ATAT1: variants seen among roughly 807,000 people sequenced by gnomAD.
The protein encoded by ATAT1 is alpha-tubulin N-acetyltransferase 1.
A neutral mutation model predicts 57.2 loss-of-function variants in ATAT1; 42 were observed. The observed-to-expected ratio is 0.73, with a 90% CI of 0.57 to 0.95. The LOEUF (loss-of-function observed/expected upper bound fraction) is 0.95. Among genes scored for constraint, ATAT1 ranks in the 40% least tolerant of loss-of-function variants. The probability of loss-of-function intolerance (pLI) is 0.00; values close to 1 mark genes in which losing one functional copy is unlikely to be tolerated. For synonymous variants in ATAT1, 168 were observed against 187.1 expected (o/e 0.90, Z 0.83); for missense variants, 454 against 523.7 (o/e 0.87, Z 1.30).
rs1761833896 is a variant in ATAT1 at position 30,627,121 on chromosome 6, C to T, written c.-83C>T. 2 of 1,591,814 alleles carry T rather than the reference C, an allele frequency of 1.3e-6. No individual in the cohort carries two copies. Among genetic ancestry groups the T allele is most frequent in the Non-Finnish European group, 1.7e-6 (2 of 1,168,546 alleles). On this transcript the variant is annotated 5_prime_UTR_variant, in exon 1 of 13. Transcript: ENST00000330083. ...ATGTCCAGGCCTGCCTTTTTGGTGA[C>T]CTCTGACCCTGGGCCTAGTGGGATT...
In ATAT1 at chr6:30,628,080, T is replaced by C; in HGVS notation, c.334T>C (p.Phe112Leu). The C allele has an allele frequency of 6.2e-7, 1 of 1,613,092 alleles. No homozygotes were observed. Among genetic ancestry groups the C allele is most frequent in the Non-Finnish European group, 8.5e-7 (1 of 1,180,030 alleles). Residue 112 changes from phenylalanine (F) to leucine (L), a missense_variant, in exon 5 of 13, where the codon TTT becomes CTT. By Grantham distance (22) the Phe-to-Leu change is conservative (BLOSUM62 0). Around this residue, in one of 3 missense-constraint regions of ATAT1, gnomAD observed 236 missense variants for 284.5 expected, o/e 0.83. Transcript: ENST00000330083. ...GGTAGAACCACTTTGCATCCTGGAC[T>C]TTTACATCCATGAGTCTGTGCAACG...
chr6:30,642,836 C>CCCCCCCCCCCCCCCCCCCCCCCCCCG lies in ATAT1; in HGVS notation c.757_758insCCCCCCCCCCCCCCCCCCCCCCCCCG (p.His253ProfsTer75). On this transcript the variant is annotated frameshift_variant, in exon 10 of 13. Transcript: ENST00000330083. LOFTEE classifies it high-confidence loss of function. Reference sequence around the variant, plus strand: ...CCCTCGCCGCGCCACACCTCCAGCCCACCCACCCCCCCGCTCCAGCAGCCT... The same window carrying CCCCCCCCCCCCCCCCCCCCCCCCCCG: ...CCCTCGCCGCGCCACACCTCCAGCCCCCCCCCCCCCCCCCCCCCCCCCCCCGACCCACCCCCCCGCTCCAGCAGCCT... 1.6e-6 allele frequency: 1 copy of CCCCCCCCCCCCCCCCCCCCCCCCCCG among 615,860 alleles called. No homozygotes were observed. Among genetic ancestry groups the CCCCCCCCCCCCCCCCCCCCCCCCCCG allele is most frequent in the Non-Finnish European group, 2.9e-6 (1 of 346,700 alleles). 38.1% of individuals were successfully genotyped at this position (615,860 alleles called of 1,614,324 possible). A position where few individuals can be genotyped will look rare whatever the true frequency, so the allele number is the denominator to read the frequency against.
At position 30,640,590 on chromosome 6, in the gene ATAT1, T is replaced by C; in HGVS notation, c.603T>C (p.Asp201=). The stretch of plus-strand genomic sequence containing the variant: ...GACACTCTCGTGCTGCTGCAGTCGA[T>C]CCCACGCCCGCTGGTAAAGCCTGTA... Residue 201 remains aspartate (D), a synonymous_variant, in exon 8 of 13, where the codon GAT becomes GAC. Transcript: ENST00000330083. The C allele has an allele frequency of 6.2e-7, 1 of 1,612,948 alleles. No homozygotes were observed. Among genetic ancestry groups the C allele is most frequent in the Non-Finnish European group, 8.5e-7 (1 of 1,180,006 alleles).
Position 30,640,440 on chromosome 6 carries a change from G to A in ATAT1, c.547+18G>A. 2 of 1,613,008 alleles carry A rather than the reference G, an allele frequency of 1.2e-6. No individual in the cohort carries two copies. Among genetic ancestry groups the A allele is most frequent in the Non-Finnish European group, 1.7e-6 (2 of 1,180,028 alleles). The stretch of plus-strand genomic sequence containing the variant: ...TCAACATCGTAAGTTTTTGCATTTT[G>A]TTGGTCACGTAGTCGGGGTGAGGGA... On this transcript the variant is annotated intron_variant, in intron 7 of 12. Coordinates refer to ENST00000330083, the MANE Select transcript of ATAT1 (RefSeq NM_001031722.4).
At chr6:30,627,292 GT>G in intron 1 of ATAT1, 167 bp from the exon 2 acceptor site, 1 of 1,613,770 alleles carries the variant, frequency 6.2e-7, no homozygotes, top group Non-Finnish European at 8.5e-7. Context: ...AGAAGTTTGG[GT>G]TTCAGAAGGG....
chr6:30,630,252 C>G (rs1270112128), intron 6 of ATAT1, among the ~76,000 whole-genome samples: 1 of 152,014 alleles, frequency 6.6e-6, no homozygotes, highest in Non-Finnish European at 1.5e-5. Flanking sequence ...GCCTGGGAGG[C>G]AGAGGTTGCA....
At chr6:30,632,856 G>C (rs1203917389) in intron 6 of ATAT1, among the ~76,000 whole-genome samples, 2 of 150,996 alleles carry the variant, frequency 1.3e-5, no homozygotes, top group Non-Finnish European at 2.9e-5. Flanking sequence ...GGAATTGCTT[G>C]AATCAGGGAG....
In ATAT1 at chr6:30,626,924, G is replaced by C; in HGVS notation, c.-280G>C. ...TCGATGTGGACGCGCTGTTCCCGGA[G>C]CGGATCACGGTGCTGGACCAGCACC... On this transcript the variant is annotated 5_prime_UTR_variant, in exon 1 of 13. Transcript: ENST00000330083. The C allele has an allele frequency of 6.2e-7, 1 of 1,609,622 alleles. No individual in the cohort carries two copies. The highest frequency in any genetic ancestry group is 8.5e-7 in the Non-Finnish European group (1 of 1,178,750).
At chr6:30,644,760 A>C in intron 10 of ATAT1, 2 of 537,286 alleles carry the variant, frequency 3.7e-6, no homozygotes, top group Non-Finnish European at 4.8e-6. Context: ...CACTTCTGAG[A>C]TCTGCACATC....
At chr6:30,638,597 G>A (rs1174684976) in intron 6 of ATAT1, among the ~76,000 whole-genome samples, 3 of 149,144 alleles carry the variant, frequency 2.0e-5, no homozygotes, top group East Asian at 1.9e-4. Flanking sequence ...TTTTTGAGAC[G>A]GAGTCTCTCT....
chr6:30,640,532 C>G lies in ATAT1; in HGVS notation c.548-3C>G. ...AGGGGCCCCGCCGCTTCCTTCCTCACAGGGCCCCCTGCTCCCTCTCTGAGG... is the reference window on the plus strand; with the variant it reads ...AGGGGCCCCGCCGCTTCCTTCCTCAGAGGGCCCCCTGCTCCCTCTCTGAGG... On this transcript the variant is annotated splice_region_variant and splice_polypyrimidine_tract_variant and intron_variant, in intron 7 of 12. Transcript: ENST00000330083. 1 of 1,612,992 alleles carries G rather than the reference C, an allele frequency of 6.2e-7. No homozygotes were observed. The highest frequency in any genetic ancestry group is 8.5e-7 in the Non-Finnish European group (1 of 1,180,006).
chr6:30,627,376 T>C (rs1315370115), intron 1 of ATAT1, 84 bp from the exon 2 acceptor site: 10 of 1,602,326 alleles, frequency 6.2e-6, no homozygotes, highest in Non-Finnish European at 7.7e-6. Context: ...TGGGTTGGAG[T>C]TGTGGCCCAG....
At chr6:30,627,962 A>G (rs752305604) in intron 4 of ATAT1, 51 bp downstream of exon 4, 247 of 1,609,694 alleles carry the variant, frequency 1.5e-4, no homozygotes, top group Admixed American at 3.3e-4. Flanking sequence ...TCTGAGAACA[A>G]AAGTGCTGGA....
At chr6:30,643,782 A>G (rs1766052857) in intron 10 of ATAT1, 1 of 1,365,154 alleles carries the variant, frequency 7.3e-7, no homozygotes, top group Non-Finnish European at 9.4e-7. Context: ...CTTCTCTCCT[A>G]ACTTGGGCTC....
intron 6 of ATAT1, among the ~76,000 whole-genome samples, chr6:30,638,350 T>C (rs547306613): frequency 1.3e-5 from 2 of 152,030 alleles, no homozygotes; most frequent in Admixed American, 1.3e-4. Context: ...TGAAGTACAG[T>C]GGTGCAATCT....
In ATAT1 at chr6:30,642,231, C is replaced by T. The variant is rs760831495; in HGVS notation, c.672C>T (p.Ser224=). 49 of 1,614,160 alleles carry T rather than the reference C, an allele frequency of 3.0e-5. No individual in the cohort carries two copies. The highest frequency in any genetic ancestry group is 4.2e-5 in the Non-Finnish European group (49 of 1,180,028). ...CAGAGGGAGACATCAAGCCATACTC[C>T]TCTAGTGACCGAGAATGTAAGAGGG... Residue 224 remains serine, a synonymous_variant, in exon 9 of 13, where the codon TCC becomes TCT. Transcript: ENST00000330083.
chr6:30,631,625 A>T (rs2394387), intron 6 of ATAT1, among the ~76,000 whole-genome samples: 6,648 of 151,702 alleles, frequency 0.044, 269 homozygotes, highest in African/African-American at 0.11. Context: ...CAAAAAACAC[A>T]AAAATTAGCC....
In ATAT1 at chr6:30,646,394, G is replaced by C. The variant is rs146816715; in HGVS notation, c.1056-75G>C. The C allele has an allele frequency of 1.2e-4, 178 of 1,454,754 alleles. No individual in the cohort carries two copies. In the African/African-American group the frequency reaches 2.2e-3, roughly 18 times the overall value. The allele number at this position is 1,454,754 out of a possible 1,614,324, so 90.1% of individuals were successfully genotyped here. A position where few individuals can be genotyped will look rare whatever the true frequency, so the allele number is the denominator to read the frequency against. On this transcript the variant is annotated intron_variant, in intron 12 of 12. Coordinates refer to ENST00000330083, the MANE Select transcript of ATAT1 (RefSeq NM_001031722.4). Reference sequence around the variant, plus strand: ...TGTCCTACATTAAAACCTGGCCCGAGACCTTGAAGAGTCTGTAATCTTAAT... The same window carrying C: ...TGTCCTACATTAAAACCTGGCCCGACACCTTGAAGAGTCTGTAATCTTAAT...
intron 6 of ATAT1, among the ~76,000 whole-genome samples, chr6:30,631,481 A>T (rs1762862678): frequency 6.7e-6 from 1 of 149,492 alleles, no homozygotes; most frequent in South Asian, 2.1e-4. Flanking sequence ...TCTCAAAAAA[A>T]AAGAATAAAA....
Sources: gnomAD v4.1 joint callset for allele counts (sites outside exome capture counted in the v4.1 genomes callset) on GRCh38, gnomAD v4.1.1 for gene constraint, gnomAD v4.1.1 regional missense constraint, MANE v1.5 for transcripts, NCBI Gene and HGNC (gene_info 2026-07-23, HGNC 2026-07-21) for gene names.